The following FBN2 variants were observed in gnomAD, a reference collection of about 807,000 sequenced individuals.
The protein encoded by FBN2 is fibrillin-2.
In FBN2, 105 loss-of-function variants were observed where a neutral mutation model predicts 355.6. That is an observed-to-expected ratio of 0.30 (90% CI 0.25 to 0.35). The LOEUF (loss-of-function observed/expected upper bound fraction) is 0.35, where lower values mean the gene tolerates loss of function less well. FBN2 is among the 10% of genes least tolerant of loss of function. The pLI, the probability that FBN2 is intolerant of heterozygous loss-of-function variation, is 1.00. For synonymous variants in FBN2, 1,350 were observed against 1,301.2 expected (o/e 1.04, Z -0.81); for missense variants, 3,280 against 3,758.7 (o/e 0.87, Z 3.33).
intron 5 of FBN2, among the ~76,000 whole-genome samples, chr5:128,517,025 A>G (rs1756298556): frequency 6.6e-6 from 1 of 152,196 alleles, no homozygotes; most frequent in African/African-American, 2.4e-5. Context: ...ACAAACCAAC[A>G]TTTAAAAAAT....
At chr5:128,337,175 C>A (rs1234110428) in intron 27 of FBN2, among the ~76,000 whole-genome samples, 1 of 152,096 alleles carries the variant, frequency 6.6e-6, no homozygotes, top group East Asian at 1.9e-4. Context: ...AACATAAAAA[C>A]CTTTTCATTT....
At chr5:128,436,312 C>T (rs976701520) in intron 7 of FBN2, among the ~76,000 whole-genome samples, 2 of 152,184 alleles carry the variant, frequency 1.3e-5, no homozygotes, top group Non-Finnish European at 2.9e-5. Flanking sequence ...TTATGAAACA[C>T]AGCATGGGCT....
chr5:128,535,422 T>C (rs1756819863), intron 2 of FBN2, among the ~76,000 whole-genome samples: 4 of 152,178 alleles, frequency 2.6e-5, no homozygotes, highest in African/African-American at 7.2e-5. Flanking sequence ...TGCATAATTA[T>C]TTTCTCCCTG....
At chr5:128,387,123 A>C (rs1220118007) in intron 11 of FBN2, among the ~76,000 whole-genome samples, 2 of 151,936 alleles carry the variant, frequency 1.3e-5, no homozygotes, top group African/African-American at 4.8e-5. Context: ...TTCAGAACTC[A>C]TTTTTGGTCT....
chr5:128,523,112 C>T (rs1320904031), intron 4 of FBN2, among the ~76,000 whole-genome samples: 1 of 152,186 alleles, frequency 6.6e-6, no homozygotes. Flanking sequence ...TTTTATTAGA[C>T]AGACTCCCTT....
At chr5:128,295,390 C>G (rs1410385910) in intron 48 of FBN2, among the ~76,000 whole-genome samples, 56 of 150,844 alleles carry the variant, frequency 3.7e-4, no homozygotes, top group East Asian at 1.2e-3. Context: ...TTGGTAGCTT[C>G]ATGGGGATGG....
chr5:128,522,274 G>C (rs1258676260), intron 4 of FBN2, among the ~76,000 whole-genome samples: 2 of 152,146 alleles, frequency 1.3e-5, no homozygotes, highest in Non-Finnish European at 2.9e-5. Flanking sequence ...GTATCTGACA[G>C]ACTGCAAGAA....
chr5:128,346,310 T>A (rs1048081201), intron 23 of FBN2, among the ~76,000 whole-genome samples: 1 of 152,172 alleles, frequency 6.6e-6, no homozygotes, highest in East Asian at 1.9e-4. Context: ...TGTTAGCAAA[T>A]AGATTTATTT....
chr5:128,364,820 G>T, intron 17 of FBN2, 95 bp from the exon 18 acceptor site: 1 of 1,045,900 alleles, frequency 9.6e-7, no homozygotes, highest in Non-Finnish European at 1.5e-6. Context: ...CATATGAAGT[G>T]TTTAACTCTG....
intron 14 of FBN2, 144 bp downstream of exon 14, chr5:128,376,587 T>C: frequency 3.2e-6 from 3 of 947,962 alleles, no homozygotes; most frequent in Non-Finnish European, 5.0e-6. Flanking sequence ...TAGAAAGCTT[T>C]AGACACCTGC....
chr5:128,399,773 C>G (rs1232998773), intron 8 of FBN2, among the ~76,000 whole-genome samples: 2 of 151,846 alleles, frequency 1.3e-5, no homozygotes, highest in Non-Finnish European at 2.9e-5. Flanking sequence ...CATCTTAAAA[C>G]AGCTAGGATA....
At chr5:128,295,231 T>G (rs1409561693) in intron 48 of FBN2, among the ~76,000 whole-genome samples, 1 of 151,186 alleles carries the variant, frequency 6.6e-6, no homozygotes, top group Non-Finnish European at 1.5e-5. Flanking sequence ...CTGTTTTGGT[T>G]ACTGTAGCCT....
chr5:128,536,110 A>C (rs916503374), intron 2 of FBN2, among the ~76,000 whole-genome samples: 13 of 151,802 alleles, frequency 8.6e-5, no homozygotes, highest in African/African-American at 3.1e-4. Context: ...TAATTGCTCT[A>C]CTCCTCCCCT....
chr5:128,278,078 G>A, intron 57 of FBN2, 73 bp from the exon 58 acceptor site: 3 of 1,481,978 alleles, frequency 2.0e-6, no homozygotes, highest in Non-Finnish European at 2.8e-6. Context: ...GAATCAAAGA[G>A]AAATGAAGAA....
intron 48 of FBN2, among the ~76,000 whole-genome samples, chr5:128,296,092 A>G (rs1350018269): frequency 6.6e-6 from 1 of 152,234 alleles, no homozygotes; most frequent in East Asian, 1.9e-4. Flanking sequence ...CTTTTGAGAT[A>G]ATCATGTGGT....
chr5:128,328,878 C>G, intron 33 of FBN2, 57 bp from the exon 34 acceptor site: 1 of 1,592,126 alleles, frequency 6.3e-7, no homozygotes, highest in Non-Finnish European at 8.6e-7. Context: ...GACACATTTT[C>G]TCCTTGCTCT....
intron 48 of FBN2, among the ~76,000 whole-genome samples, chr5:128,300,577 A>G (rs1385830299): frequency 6.6e-6 from 1 of 152,238 alleles, no homozygotes; most frequent in Non-Finnish European, 1.5e-5. Flanking sequence ...ATTAATTAGC[A>G]TATGCTGAAA....
chr5:128,426,126 T>C (rs950117234), intron 7 of FBN2, among the ~76,000 whole-genome samples: 23 of 152,154 alleles, frequency 1.5e-4, no homozygotes, highest in Admixed American at 1.3e-4. Context: ...TGGCATTCTC[T>C]ATGCAAAACG....
intron 34 of FBN2, among the ~76,000 whole-genome samples, chr5:128,324,606 T>C (rs1271288835): frequency 6.6e-6 from 1 of 151,006 alleles, no homozygotes; most frequent in Non-Finnish European, 1.5e-5. Flanking sequence ...TTGAGTGAGT[T>C]TGTTTTCTTT....
Sources: allele counts gnomAD v4.1 joint callset (sites outside exome capture counted in the v4.1 genomes callset), GRCh38; gene constraint gnomAD v4.1.1; transcripts MANE v1.5; gene names NCBI Gene and HGNC (gene_info 2026-07-23, HGNC 2026-07-21).